INSR: variants seen among roughly 807,000 people sequenced by gnomAD.
INSR encodes the protein IR.
Under a neutral mutation model 142.6 loss-of-function variants are expected in INSR, and 67 were observed. The ratio of observed to expected loss-of-function variants is 0.47; its 90% CI spans 0.39 to 0.58. The LOEUF is 0.58. INSR is among the 20% of genes least tolerant of loss of function. The probability of loss-of-function intolerance (pLI) is 0.00; values close to 1 mark genes in which losing one functional copy is unlikely to be tolerated. For missense variants in INSR, 1,248 were observed against 1,833.2 expected, an observed-to-expected ratio of 0.68 and a Z score of 5.83; for synonymous variants, 756 against 743.1, an observed-to-expected ratio of 1.02 and a Z score of -0.28.
At chr19:7,121,136 T>C (rs1972482165) in intron 19 of INSR, among the ~76,000 whole-genome samples, 2 of 151,614 alleles carry the variant, frequency 1.3e-5, no homozygotes, top group Admixed American at 1.3e-4. Flanking sequence ...TAGCTAGGAT[T>C]ACAGCTGTCT....
intron 13 of INSR, among the ~76,000 whole-genome samples, chr19:7,134,447 C>T (rs993376337): frequency 1.3e-5 from 1 of 79,160 alleles, no homozygotes; most frequent in East Asian, 4.1e-4. Flanking sequence ...TGCTGCCTTT[C>T]GATTTTTTTT....
chr19:7,174,855 G>A, intron 3 of INSR, 124 bp from the exon 4 acceptor site: 2 of 986,744 alleles, frequency 2.0e-6, no homozygotes, highest in Non-Finnish European at 1.5e-6. Context: ...GTGTGTGTGT[G>A]TTTGTGTGAC....
chr19:7,178,513 G>A (rs1974197967), intron 3 of INSR, among the ~76,000 whole-genome samples: 1 of 152,140 alleles, frequency 6.6e-6, no homozygotes, highest in African/African-American at 2.4e-5. Flanking sequence ...GAAGTCAGGA[G>A]TTTGAGACCA....
chr19:7,236,091 A>G (rs59567323), intron 2 of INSR, among the ~76,000 whole-genome samples: 49 of 150,824 alleles, frequency 3.2e-4, no homozygotes, highest in African/African-American at 1.1e-3. Context: ...CTCCCACCAT[A>G]GCTTGGATTA....
chr19:7,174,444 T>C (rs576045169), intron 4 of INSR, 139 bp downstream of exon 4: 1 of 904,554 alleles, frequency 1.1e-6, no homozygotes, highest in East Asian at 2.4e-5. Flanking sequence ...GTTCTATCCA[T>C]GGGGGAGCCA....
chr19:7,178,895 A>C (rs894105672), intron 3 of INSR, among the ~76,000 whole-genome samples: 4 of 152,182 alleles, frequency 2.6e-5, no homozygotes, highest in African/African-American at 4.8e-5. Flanking sequence ...CCTTTATAAT[A>C]AAACTGTAAT....
Position 7,170,521 on chromosome 19 carries a change from G to A in INSR, c.1483+16C>T, listed in dbSNP as rs1973992931. Reference sequence around the variant, plus strand: ...CCGGTCCCTCATGCCAAAAAGGTTGGGGACCAGTGACTTACAGGATGCCTG... The same window carrying A: ...CCGGTCCCTCATGCCAAAAAGGTTGAGGACCAGTGACTTACAGGATGCCTG... On this transcript the variant is annotated intron_variant, in intron 6 of 21. Coordinates refer to ENST00000302850, the MANE Select transcript of INSR (RefSeq NM_000208.4). The A allele has an allele frequency of 1.2e-6, 2 of 1,602,774 alleles. No individual in the cohort carries two copies. Among genetic ancestry groups the A allele is most frequent in the East Asian group, 4.5e-5 (2 of 44,830 alleles).
rs145591412 is a variant in INSR, at chr19:7,239,285, A to G, written c.652+28060T>C. On this transcript the variant is annotated intron_variant, in intron 2 of 21. Transcript: ENST00000302850. ...TTGCCAATGCAGAGTCCCTGAAGAA[A>G]AAGGCCCAGCCCCCCCACCCCAAAA... 3.0e-3 allele frequency among the ~76,000 whole-genome samples: 429 copies of G among 143,294 alleles called. 2 individuals carry two copies. Among genetic ancestry groups the G allele is most frequent in the African/African-American group, 0.01 (409 of 40,172 alleles). 94.0% of individuals were successfully genotyped at this position (143,294 alleles called of 152,430 possible). A position where few individuals can be genotyped will look rare whatever the true frequency, so the allele number is the denominator to read the frequency against.
At chr19:7,205,268 G>A (rs545695103) in intron 2 of INSR, among the ~76,000 whole-genome samples, 1 of 152,196 alleles carries the variant, frequency 6.6e-6, no homozygotes, top group Non-Finnish European at 1.5e-5. Context: ...TTAGCACTGG[G>A]CATGCAAGCA....
intron 2 of INSR, among the ~76,000 whole-genome samples, chr19:7,238,344 G>T (rs77526367): frequency 0.071 from 10,812 of 152,182 alleles, 494 homozygotes; most frequent in Non-Finnish European, 0.096. Context: ...AAGAGGCCAG[G>T]CTCAGTGGCT....
At chr19:7,231,758 C>T (rs1014066621) in intron 2 of INSR, among the ~76,000 whole-genome samples, 3 of 145,170 alleles carry the variant, frequency 2.1e-5, no homozygotes, top group African/African-American at 7.7e-5. Flanking sequence ...GCCAACATAC[C>T]TTAAACTTTT....
intron 1 of INSR, among the ~76,000 whole-genome samples, chr19:7,284,816 G>A (rs1301255622): frequency 1.3e-5 from 2 of 152,118 alleles, no homozygotes; most frequent in African/African-American, 4.8e-5. Flanking sequence ...CACTGCGCCT[G>A]CTCAAAAAGG....
intron 4 of INSR, among the ~76,000 whole-genome samples, chr19:7,173,307 C>T (rs1974060791): frequency 1.3e-5 from 2 of 151,998 alleles, no homozygotes; most frequent in Admixed American, 1.3e-4. Flanking sequence ...TGCCTTTTTG[C>T]CTGACATGGT....
rs74788261 is a variant in INSR at position 7,184,363 on chromosome 19, G to A, written c.927C>T (p.Asn309=). 8.7e-6 allele frequency: 14 copies of A among 1,613,946 alleles called. No homozygotes were observed. The East Asian group carries it at 1.1e-4, about 13-fold the overall frequency. ...QGCHQYVIHN[N]KCIPECPSGY... ...CGGAGGGACACTCAGGGATGCACTT[G>A]TTGTTGTGAATGACGTACTGGTGGC... The change falls in exon 3 of 22, where the codon AAC becomes AAT. Residue 309 remains asparagine (N), a synonymous_variant. Coordinates refer to ENST00000302850, the MANE Select transcript of INSR (RefSeq NM_000208.4).
intron 2 of INSR, among the ~76,000 whole-genome samples, chr19:7,186,689 CTTTT>C (rs750734425): frequency 2.0e-5 from 3 of 152,010 alleles, no homozygotes; most frequent in Non-Finnish European, 2.9e-5. Flanking sequence ...ATTTTACTTT[CTTTT>C]TCTTTTCTTT....
chr19:7,166,726 C>T lies in INSR; in HGVS notation c.1611-322G>A, dbSNP rs534093435. ...CCAGAAGTCAGGAGTTCGAGACCAGCCTGGCCAACATGGTGAAACCCCGTC... is the reference window on the plus strand; with the variant it reads ...CCAGAAGTCAGGAGTTCGAGACCAGTCTGGCCAACATGGTGAAACCCCGTC... On this transcript the variant is annotated intron_variant, in intron 7 of 21. Coordinates refer to ENST00000302850, the MANE Select transcript of INSR (RefSeq NM_000208.4). The surrounding 1 kb of genome is among the most constrained non-coding windows in gnomAD (Gnocchi z 4.1). 5.3e-5 allele frequency among the ~76,000 whole-genome samples: 8 copies of T among 152,170 alleles called. No individual in the cohort carries two copies. Among genetic ancestry groups the T allele is most frequent in the South Asian group, 2.1e-4 (1 of 4,816 alleles).
intron 9 of INSR, among the ~76,000 whole-genome samples, chr19:7,154,598 G>A (rs937572999): frequency 5.4e-5 from 8 of 147,736 alleles, no homozygotes; most frequent in East Asian, 4.4e-4. Flanking sequence ...CACTGCACCC[G>A]GCCCACAATT....
At chr19:7,195,503 TGTG>T (rs1372512093) in intron 2 of INSR, among the ~76,000 whole-genome samples, 3 of 151,656 alleles carry the variant, frequency 2.0e-5, no homozygotes, top group African/African-American at 7.3e-5. Context: ...ATTAGCTGGG[TGTG>T]GTGGCGCATG....
chr19:7,236,001 T>A (rs1976148925), intron 2 of INSR, among the ~76,000 whole-genome samples: 1 of 138,984 alleles, frequency 7.2e-6, no homozygotes, highest in Non-Finnish European at 1.5e-5. Context: ...AAAGACAGAG[T>A]CTTGCTTTGT....
Sources: gnomAD v4.1 joint callset for allele counts (sites outside exome capture counted in the v4.1 genomes callset) on GRCh38, gnomAD v4.1.1 for gene constraint, Gnocchi (gnomAD v3.1) non-coding constraint, MANE v1.5 for transcripts, NCBI Gene and HGNC (gene_info 2026-07-23, HGNC 2026-07-21) for gene names.